Variants in DERA observed in about 807,000 individuals in gnomAD.
DERA encodes 2-deoxy-D-ribose 5-phosphate aldolase.
DERA carries 15 observed loss-of-function variants against 41.1 expected under a neutral mutation model. The observed-to-expected ratio is 0.37, with a 90% CI of 0.24 to 0.56. The LOEUF is 0.56. Among genes scored for constraint, DERA ranks in the 20% least tolerant of loss-of-function variants. The pLI is 0.81. For synonymous variants in DERA, 139 were observed against 137.4 expected (o/e 1.01, Z -0.08); for missense variants, 396 against 403.4 (o/e 0.98, Z 0.16).
Position 15,962,924 on chromosome 12 carries a change from TG to T in DERA, c.487del (p.Val163CysfsTer2). 6.2e-7 allele frequency: 1 copy of T among 1,605,896 alleles called. No homozygotes were observed. Among genetic ancestry groups the T allele is most frequent in the Non-Finnish European group, 8.5e-7 (1 of 1,176,194 alleles). On this transcript the variant is annotated frameshift_variant, in exon 5 of 9. Transcript: ENST00000428559. LOFTEE classifies it high-confidence loss of function. ...ATCGACGTGGTAATTAACAGAAGCT[TG>T]GTGCTGACAGGCCAGTGGGAAGGTA... ...TEIDVVINRS[L>X]VLTGQWEALY...
chr12:15,969,441 G>T (rs1045499699), intron 5 of DERA, among the ~76,000 whole-genome samples: 1 of 152,174 alleles, frequency 6.6e-6, no homozygotes, highest in African/African-American at 2.4e-5. Flanking sequence ...ACCAGCAGAC[G>T]TAGTTCCAAA....
chr12:15,949,894 T>G (rs112651827), intron 1 of DERA, among the ~76,000 whole-genome samples: 1,936 of 152,316 alleles, frequency 0.013, 53 homozygotes, highest in African/African-American at 0.045. Flanking sequence ...ACAAAACTGA[T>G]TTCATGACTT....
rs756743931 is a variant in DERA at position 16,032,529 on chromosome 12, C to T, written c.638-13C>T. 2 of 1,382,396 alleles carry T rather than the reference C, an allele frequency of 1.4e-6. No homozygotes were observed. Among genetic ancestry groups the T allele is most frequent in the African/African-American group, 3.0e-5 (2 of 65,612 alleles). 85.6% of individuals were successfully genotyped at this position (1,382,396 alleles called of 1,614,324 possible). ...CTTTAATTAACATGGAGTTTTTCCT[C>T]TTTTTGTTTTAGGATCAGATTTTAT... On this transcript the variant is annotated splice_polypyrimidine_tract_variant and intron_variant, in intron 6 of 8. Transcript: ENST00000428559.
At chr12:15,951,627 G>C (rs1948498271) in intron 1 of DERA, among the ~76,000 whole-genome samples, 2 of 152,152 alleles carry the variant, frequency 1.3e-5, no homozygotes. Flanking sequence ...ATAAGATAAT[G>C]CATGCTCTTT....
rs566715885 is a variant in DERA at position 15,943,033 on chromosome 12, G to C, written c.32-13903G>C. Among the ~76,000 whole-genome samples, 2 of 152,294 alleles carry C rather than the reference G, an allele frequency of 1.3e-5. No homozygotes were observed. The highest frequency in any genetic ancestry group is 2.4e-5 in the African/African-American group (1 of 41,568). On this transcript the variant is annotated intron_variant, in intron 1 of 8. Coordinates refer to ENST00000428559, the MANE Select transcript of DERA (RefSeq NM_015954.4). The surrounding 1 kb of genome is among the most constrained non-coding windows in gnomAD (Gnocchi z 4.5). ...CAAATTTGACTTCAGTAGTTACTTA[G>C]AGCATAGAGTGGTTGGGGAGAGGGA...
intron 1 of DERA, among the ~76,000 whole-genome samples, chr12:15,912,309 T>A (rs940226865): frequency 6.6e-6 from 1 of 152,144 alleles, no homozygotes; most frequent in Non-Finnish European, 1.5e-5. Flanking sequence ...ACACAGCACA[T>A]GTTTCAGAGA....
chr12:15,945,457 G>A (rs1457014963), intron 1 of DERA, among the ~76,000 whole-genome samples: 1 of 152,182 alleles, frequency 6.6e-6, no homozygotes, highest in African/African-American at 2.4e-5. Flanking sequence ...TCCCTTGTAA[G>A]TTGGATTCCT....
chr12:15,956,063 G>A (rs547839831), intron 1 of DERA, among the ~76,000 whole-genome samples: 2 of 152,340 alleles, frequency 1.3e-5, no homozygotes, highest in African/African-American at 4.8e-5. Context: ...ACTGTTGGAT[G>A]TTAGACACCC....
Position 15,928,030 on chromosome 12 carries a change from T to TTG in DERA, c.31+16617_31+16618insGT, listed in dbSNP as rs61295972. ...AACTTTTTAAATTGGAAAATAATAA[T>TTG]TATCTATTTAGGGGATACAATGTAA... On this transcript the variant is annotated intron_variant, in intron 1 of 8. Transcript: ENST00000428559. This position sits in a 1 kb window ranked among gnomAD's most constrained non-coding sequence, Gnocchi z 4.6. Among the ~76,000 whole-genome samples, 42,288 of 152,020 alleles carry TTG rather than the reference T, an allele frequency of 0.28. 6,081 individuals carry two copies. The highest frequency in any genetic ancestry group is 0.36 in the Admixed American group (5,562 of 15,272).
In DERA at chr12:16,023,133, ATAC is replaced by A. The variant is rs1211920439; in HGVS notation, c.638-9406_638-9404del. ...AGGACCACTGAAAGACTGAGATTTA[ATAC>A]TAAGGCTATAGAATACTCCTCCCTC... On this transcript the variant is annotated intron_variant, in intron 6 of 8. Transcript: ENST00000428559. Among the ~76,000 whole-genome samples the A allele has an allele frequency of 2.0e-5, 3 of 152,170 alleles. No homozygotes were observed. In the East Asian group the frequency reaches 5.8e-4, roughly 29 times the overall value.
chr12:15,961,239 G>A (rs1261672222), intron 4 of DERA, among the ~76,000 whole-genome samples: 2 of 152,154 alleles, frequency 1.3e-5, no homozygotes, highest in Non-Finnish European at 2.9e-5. Context: ...AGATAGACAC[G>A]GTAGGACTTG....
In DERA at chr12:16,011,968, CAG is replaced by C. The variant is rs1427710260; in HGVS notation, c.638-20572_638-20571del. On this transcript the variant is annotated intron_variant, in intron 6 of 8. Transcript: ENST00000428559. The surrounding 1 kb of genome is among the most constrained non-coding windows in gnomAD (Gnocchi z 4.7). ...AAAACAGAGGATAATGTGATAGAGA[CAG>C]ATAAAGAATTTTTCTAAATTAGGCA... is the stretch of plus-strand genomic sequence containing the variant. Among the ~76,000 whole-genome samples, 1 of 151,840 alleles carries C rather than the reference CAG, an allele frequency of 6.6e-6. No individual in the cohort carries two copies. Among genetic ancestry groups the C allele is most frequent in the African/African-American group, 2.4e-5 (1 of 41,238 alleles).
rs1949126479 is a variant in DERA, at chr12:16,036,171, C to T, written c.751-61C>T. 3.6e-6 allele frequency: 5 copies of T among 1,392,846 alleles called. No homozygotes were observed. Among genetic ancestry groups the T allele is most frequent in the Non-Finnish European group, 4.7e-6 (5 of 1,057,138 alleles). 86.3% of individuals were successfully genotyped at this position (1,392,846 alleles called of 1,614,324 possible). A position where few individuals can be genotyped will look rare whatever the true frequency, so the allele number is the denominator to read the frequency against. On this transcript the variant is annotated intron_variant, in intron 7 of 8. Transcript: ENST00000428559. The surrounding 1 kb of genome is among the most constrained non-coding windows in gnomAD (Gnocchi z 4.9). Reference sequence around the variant, plus strand: ...AATCAAGACTCTGATAAACATAGTACTATTTTTAAAAGAAATCCAATAACA... The same window carrying T: ...AATCAAGACTCTGATAAACATAGTATTATTTTTAAAAGAAATCCAATAACA...
At chr12:16,015,813 A>G (rs1440193850) in intron 6 of DERA, among the ~76,000 whole-genome samples, 1 of 152,228 alleles carries the variant, frequency 6.6e-6, no homozygotes, top group Non-Finnish European at 1.5e-5. Context: ...GAGTAAAGGT[A>G]CAAATTGATT....
intron 4 of DERA, among the ~76,000 whole-genome samples, chr12:15,960,636 C>T (rs1377281396): frequency 7.0e-5 from 2 of 28,718 alleles, no homozygotes; most frequent in African/African-American, 1.3e-4. Flanking sequence ...GACTCCGTCT[C>T]AAAAAAAAAA....
chr12:16,032,628 G>T lies in DERA; in HGVS notation c.724G>T (p.Asp242Tyr), dbSNP rs1324179839. The T allele has an allele frequency of 2.6e-6, 4 of 1,562,896 alleles. No individual in the cohort carries two copies. In the East Asian group the frequency reaches 9.4e-5, roughly 37 times the overall value. ...TATAGTAATGCTGCGGGCCATTAGAGATTTCTTCTGGAAAACTGGAAACAA... is the reference window on the plus strand; with the variant it reads ...TATAGTAATGCTGCGGGCCATTAGATATTTCTTCTGGAAAACTGGAAACAA... Reference protein sequence around the residue: ...VAIVMLRAIRDFFWKTGNKIG... With the variant: ...VAIVMLRAIRYFFWKTGNKIG... The change falls in exon 7 of 9, where the codon GAT (aspartate) becomes TAT (tyrosine). Residue 242 changes from aspartate (D) to tyrosine (Y), a missense_variant. Transcript: ENST00000428559.
Position 15,921,848 on chromosome 12 carries a change from C to T in DERA, c.31+10434C>T, listed in dbSNP as rs1394728359. ...GACTGAGGTAGGAGAATCGCTTGAA[C>T]CCAGGAGGCAGAGGTTGCAGTGAGC... On this transcript the variant is annotated intron_variant, in intron 1 of 8. Transcript: ENST00000428559. This position sits in a 1 kb window ranked among gnomAD's most constrained non-coding sequence, Gnocchi z 5.3. 6.6e-6 allele frequency among the ~76,000 whole-genome samples: 1 copy of T among 152,098 alleles called. No homozygotes were observed. Among genetic ancestry groups the T allele is most frequent in the Non-Finnish European group, 1.5e-5 (1 of 68,030 alleles).
chr12:15,985,426 C>T lies in DERA; in HGVS notation c.637+2990C>T, dbSNP rs1325189340. 1 of 152,112 alleles carries T rather than the reference C, an allele frequency of 6.6e-6. No homozygotes were observed. The highest frequency in any genetic ancestry group is 1.5e-5 in the Non-Finnish European group (1 of 68,012). The allele number at this position is 152,112 out of a possible 1,614,324, so 9.4% of individuals were successfully genotyped here. A position where few individuals can be genotyped will look rare whatever the true frequency, so the allele number is the denominator to read the frequency against. On this transcript the variant is annotated intron_variant, in intron 6 of 8. Coordinates refer to ENST00000428559, the MANE Select transcript of DERA (RefSeq NM_015954.4). The surrounding 1 kb of genome is among the most constrained non-coding windows in gnomAD (Gnocchi z 4.2). ...ATATCTGTGGGATCTGTAGTTATATCTCTTTCTTTATTCTTGATATTGGTC... is the reference window on the plus strand; with the variant it reads ...ATATCTGTGGGATCTGTAGTTATATTTCTTTCTTTATTCTTGATATTGGTC...
rs1267082616 is a variant in DERA at position 15,918,887 on chromosome 12, C to T, written c.31+7473C>T. Among the ~76,000 whole-genome samples the T allele has an allele frequency of 2.6e-5, 4 of 152,024 alleles. No homozygotes were observed. The East Asian group carries it at 7.7e-4, about 29-fold the overall frequency. ...AAAGGGACTAGCAAAAGCAGCCTGG[C>T]ATGTTTCATTAACTATAGGAACTCA... is the stretch of plus-strand genomic sequence containing the variant. On this transcript the variant is annotated intron_variant, in intron 1 of 8. Transcript: ENST00000428559. This position sits in a 1 kb window ranked among gnomAD's most constrained non-coding sequence, Gnocchi z 4.3.
Sources: allele counts gnomAD v4.1 joint callset (sites outside exome capture counted in the v4.1 genomes callset), GRCh38; gene constraint gnomAD v4.1.1; non-coding constraint Gnocchi (gnomAD v3.1); transcripts MANE v1.5; gene names NCBI Gene and HGNC (gene_info 2026-07-23, HGNC 2026-07-21).